The following CACNA2D4 variants were observed in gnomAD, a reference collection of about 807,000 sequenced individuals.
The protein encoded by CACNA2D4 is voltage-dependent calcium channel subunit alpha-2/delta-4.
A neutral mutation model predicts 163.8 loss-of-function variants in CACNA2D4; 157 were observed. That is an observed-to-expected ratio of 0.96 (90% confidence interval 0.84 to 1.09). The LOEUF is 1.09. Among genes scored for constraint, CACNA2D4 ranks in the 50% least tolerant of loss-of-function variants. The probability of loss-of-function intolerance (pLI) is 0.00; values close to 1 mark genes in which losing one functional copy is unlikely to be tolerated. For synonymous variants in CACNA2D4, 598 were observed against 586.9 expected (o/e 1.02, Z -0.27); for missense variants, 1,410 against 1,479.9 (o/e 0.95, Z 0.78).
chr12:1,813,522 G>A, intron 26 of CACNA2D4, among the ~76,000 whole-genome samples: 1 of 152,308 alleles, frequency 6.6e-6, no homozygotes, highest in East Asian at 1.9e-4. Context: ...TTAAAAAACA[G>A]TTAATTTTAA....
At chr12:1,817,044 C>T (rs546666122) in intron 26 of CACNA2D4, among the ~76,000 whole-genome samples, 2 of 152,338 alleles carry the variant, frequency 1.3e-5, no homozygotes, top group African/African-American at 4.8e-5. Flanking sequence ...CTTCTCTTTC[C>T]TCCTCCTCTG....
chr12:1,852,359 T>C (rs973568697), intron 23 of CACNA2D4, among the ~76,000 whole-genome samples: 19 of 152,292 alleles, frequency 1.2e-4, no homozygotes, highest in Admixed American at 1.2e-3. Context: ...TTAATTCTAC[T>C]GAGTGGCTTT....
chr12:1,881,415 C>A (rs1034068537), intron 13 of CACNA2D4, among the ~76,000 whole-genome samples: 1 of 152,232 alleles, frequency 6.6e-6, no homozygotes, highest in African/African-American at 2.4e-5. Context: ...TGGCCTATGC[C>A]CGGCTTCTCT....
chr12:1,839,988 C>CT (rs772205454), intron 26 of CACNA2D4, among the ~76,000 whole-genome samples: 12 of 152,194 alleles, frequency 7.9e-5, no homozygotes, highest in Non-Finnish European at 1.6e-4. Flanking sequence ...TACCTACACT[C>CT]TAAAATATTT....
At chr12:1,836,882 ACGGTGCCTCCCACCCAGGGCCAGG>A (rs1864879665) in intron 26 of CACNA2D4, 1 of 152,500 alleles carries the variant, frequency 6.6e-6, no homozygotes, top group Admixed American at 6.5e-5. Context: ...CTGATGACAG[ACGGTGCCTCCCACCCAGGGCCAGG>A]GCTGGGGCAC....
At position 1,806,603 on chromosome 12, in the gene CACNA2D4, A is replaced by G. The variant is rs1863547463; in HGVS notation, c.2721+3675T>C. Reference sequence around the variant, plus strand: ...AGGAGTCGCTGGAAGCCTTTGACATATTTGCCTAGTCAGGAAAGTGACAGC... The same window carrying G: ...AGGAGTCGCTGGAAGCCTTTGACATGTTTGCCTAGTCAGGAAAGTGACAGC... On this transcript the variant is annotated intron_variant, in intron 29 of 37. Coordinates refer to ENST00000382722, the MANE Select transcript of CACNA2D4 (RefSeq NM_172364.5). The surrounding 1 kb of genome is among the most constrained non-coding windows in gnomAD (Gnocchi z 4.1). Among the ~76,000 whole-genome samples, 1 of 152,200 alleles carries G rather than the reference A, an allele frequency of 6.6e-6. No individual in the cohort carries two copies. Among genetic ancestry groups the G allele is most frequent in the South Asian group, 2.1e-4 (1 of 4,828 alleles).
chr12:1,793,303 G>T lies in CACNA2D4; in HGVS notation c.*352C>A, dbSNP rs1168810094. On this transcript the variant is annotated 3_prime_UTR_variant, in exon 38 of 38. Transcript: ENST00000382722. Reference sequence around the variant, plus strand: ...AGAAACAACTGACCCTTTCTTGGCTGGGTCTGGACTCTGGAGTACAGGAAG... The same window carrying T: ...AGAAACAACTGACCCTTTCTTGGCTTGGTCTGGACTCTGGAGTACAGGAAG... 5 of 270,192 alleles carry T rather than the reference G, an allele frequency of 1.9e-5. No homozygotes were observed. Among genetic ancestry groups the T allele is most frequent in the Admixed American group, 4.7e-5 (1 of 21,178 alleles). 16.7% of individuals were successfully genotyped at this position (270,192 alleles called of 1,614,324 possible).
rs1555173761 is a variant in CACNA2D4, at chr12:1,797,491, C to T, written c.3040G>A (p.Glu1014Lys). ...KQDPLQPCDT[E>K]YPVFVYQPAI... ...GGCTGGTACACGAACACGGGGTACT[C>T]CGTGTCGCAGGGCTGCAGCGGGTCC... Residue 1014 changes from glutamate (E) to lysine (K), a missense_variant, in exon 35 of 38, where the codon GAG becomes AAG. Physicochemically the swap from Glu to Lys is moderately conservative, Grantham distance 56 (BLOSUM62 1). Transcript: ENST00000382722. The T allele has an allele frequency of 6.3e-7, 1 of 1,585,224 alleles. No homozygotes were observed. Among genetic ancestry groups the T allele is most frequent in the East Asian group, 2.3e-5 (1 of 43,416 alleles).
At chr12:1,862,079 G>A (rs1299124664) in intron 18 of CACNA2D4, among the ~76,000 whole-genome samples, 2 of 152,230 alleles carry the variant, frequency 1.3e-5, no homozygotes, top group Admixed American at 1.3e-4. Flanking sequence ...CTGCTGAGTA[G>A]TATCGCAGTG....
At chr12:1,890,235 T>A (rs1194366226) in intron 6 of CACNA2D4, among the ~76,000 whole-genome samples, 1 of 152,132 alleles carries the variant, frequency 6.6e-6, no homozygotes, top group Non-Finnish European at 1.5e-5. Context: ...ACACTGGATC[T>A]CATACACCCC....
At chr12:1,871,942 C>T (rs909497496) in intron 18 of CACNA2D4, among the ~76,000 whole-genome samples, 2 of 152,224 alleles carry the variant, frequency 1.3e-5, no homozygotes, top group African/African-American at 4.8e-5. Context: ...GACTCCAGGA[C>T]ACTTTGCTCT....
chr12:1,910,102 A>G (rs2154452490), intron 3 of CACNA2D4, 137 bp from the exon 4 acceptor site: 1 of 734,928 alleles, frequency 1.4e-6, no homozygotes, highest in East Asian at 2.7e-5. Context: ...ACAGGGATGC[A>G]AACAAGAACT....
intron 29 of CACNA2D4, among the ~76,000 whole-genome samples, chr12:1,805,090 C>T (rs1406648038): frequency 6.6e-6 from 1 of 152,164 alleles, no homozygotes; most frequent in Non-Finnish European, 1.5e-5. Context: ...GGCCTGACCA[C>T]CCCAGCCCCC....
intron 26 of CACNA2D4, chr12:1,831,033 G>T: frequency 6.2e-7 from 1 of 1,614,086 alleles, no homozygotes; most frequent in East Asian, 2.2e-5. Context: ...GGACTGCAGT[G>T]GCCTTGGCCT....
intron 4 of CACNA2D4, among the ~76,000 whole-genome samples, chr12:1,908,307 G>T (rs72653431): frequency 0.046 from 7,017 of 152,244 alleles, 610 homozygotes; most frequent in East Asian, 0.41. Flanking sequence ...TGCAGCGTGT[G>T]TTGACACGGC....
In CACNA2D4 at chr12:1,834,440, A is replaced by G. The variant is rs552915594; in HGVS notation, c.2551+6299T>C. ...CACCAAGGCCAGTCCAGAGCCTGCT[A>G]AGCCCAAGCCCGGGGCTGAGCCGGA... is the stretch of plus-strand genomic sequence containing the variant. On this transcript the variant is annotated intron_variant, in intron 26 of 37. Transcript: ENST00000382722. This position sits in a 1 kb window ranked among gnomAD's most constrained non-coding sequence, Gnocchi z 7.6. 1.5e-5 allele frequency: 24 copies of G among 1,612,356 alleles called. No homozygotes were observed. In the South Asian group the frequency reaches 2.3e-4, roughly 15 times the overall value.
Position 1,918,599 on chromosome 12 carries a change from G to A in CACNA2D4, c.-126C>T, listed in dbSNP as rs947569891. 2.9e-6 allele frequency: 2 copies of A among 696,400 alleles called. No homozygotes were observed. The highest frequency in any genetic ancestry group is 6.0e-5 in the Admixed American group (2 of 33,604). The allele number at this position is 696,400 out of a possible 1,614,324, so 43.1% of individuals were successfully genotyped here. ...GAGGGCTTCTCTCTGCCCCACAGCT[G>A]CAGCTCACAGAAGAGTCGCCCCACC... On this transcript the variant is annotated 5_prime_UTR_variant, in exon 1 of 38. Transcript: ENST00000382722.
At position 1,886,293 on chromosome 12, in the gene CACNA2D4, G is replaced by C; in HGVS notation, c.923C>G (p.Thr308Ser). The C allele has an allele frequency of 6.2e-7, 1 of 1,613,580 alleles. No homozygotes were observed. Among genetic ancestry groups the C allele is most frequent in the Non-Finnish European group, 8.5e-7 (1 of 1,179,542 alleles). ...VSGSMKGLRM[T>S]IAKHTITTIL... ...GGTGGTGATGGTGTGCTTGGCAATA[G>C]TCATCCTCAGCCCCTTCATACTGCC... is the stretch of plus-strand genomic sequence containing the variant. The change falls in exon 8 of 38, where the codon ACT (threonine) becomes AGT (serine). Residue 308 changes from threonine (T) to serine (S), a missense_variant. Thr to Ser is a moderately conservative substitution (Grantham distance 58, BLOSUM62 1). Transcript: ENST00000382722.
intron 26 of CACNA2D4, among the ~76,000 whole-genome samples, chr12:1,813,370 A>T (rs1023024913): frequency 2.0e-5 from 3 of 152,046 alleles, no homozygotes. Context: ...ATATTTAGGG[A>T]ACCCCCGTCC....
Sources: allele counts gnomAD v4.1 joint callset (sites outside exome capture counted in the v4.1 genomes callset), GRCh38; gene constraint gnomAD v4.1.1; non-coding constraint Gnocchi (gnomAD v3.1); transcripts MANE v1.5; gene names NCBI Gene and HGNC (gene_info 2026-07-23, HGNC 2026-07-21).